Variants in LCT observed in about 807,000 individuals in gnomAD.
LCT encodes lactase/phlorizin hydrolase.
Under a neutral mutation model 173.0 loss-of-function variants are expected in LCT, and 90 were observed. That is an observed-to-expected ratio of 0.52 (90% CI 0.44 to 0.62). LCT has a LOEUF of 0.62. Ranked by LOEUF, LCT falls within the 20% of genes least tolerant of loss-of-function variation. The pLI is 0.00. For synonymous variants in LCT, 853 were observed against 957.6 expected, an observed-to-expected ratio of 0.89 and a Z score of 2.02; for missense variants, 1,864 against 2,431.4, an observed-to-expected ratio of 0.77 and a Z score of 4.91.
At chr2:135,824,631 T>G (rs1039441757) in intron 3 of LCT, among the ~76,000 whole-genome samples, 1 of 152,330 alleles carries the variant, frequency 6.6e-6, no homozygotes, top group South Asian at 2.1e-4. Context: ...CAATAATAGC[T>G]CTTGCAGCTG....
intron 7 of LCT, 178 bp from the exon 8 acceptor site, chr2:135,810,171 A>C (rs558707882): frequency 1.3e-5 from 8 of 603,968 alleles, no homozygotes; most frequent in Admixed American, 5.8e-5. Context: ...TTATCTTTTA[A>C]AGACTAGTCA....
chr2:135,822,680 AGC>A (rs1192240038), intron 4 of LCT: 9 of 159,598 alleles, frequency 5.6e-5, no homozygotes, highest in Admixed American at 1.8e-4. Context: ...GGCCCTGTGG[AGC>A]CAACCCATTG....
chr2:135,817,773 C>G lies in LCT; in HGVS notation c.1275G>C (p.Thr425=), dbSNP rs777422944. The G allele has an allele frequency of 1.2e-5, 20 of 1,613,846 alleles. No individual in the cohort carries two copies. The highest frequency in any genetic ancestry group is 8.0e-5 in the African/African-American group (6 of 74,930). ...GGTAACTGTCGCTGGCCACCTCCAG[C>G]GTCGCTTGGCCCTCAGTGGTGTTCA... ...RPLNTTEGQA[T]LEVASDSYHK... Residue 425 remains threonine (T), a synonymous_variant, in exon 6 of 17, where the codon ACG becomes ACC. Coordinates refer to ENST00000264162, the MANE Select transcript of LCT (RefSeq NM_002299.4).
chr2:135,808,869 T>C lies in LCT; in HGVS notation c.3478A>G (p.Arg1160Gly). The change falls in exon 8 of 17, where the codon AGA (arginine) becomes GGA (glycine). Residue 1160 changes from arginine (R) to glycine (G), a missense_variant. Physicochemically the swap from Arg to Gly is moderately radical, Grantham distance 125. Coordinates refer to ENST00000264162, the MANE Select transcript of LCT (RefSeq NM_002299.4). The part of the protein sequence containing the change: ...SLGWFAHPIF[R>G]NGDYPDTMKW... Reference sequence around the variant, plus strand: ...ATGGTGTCAGGATAGTCTCCGTTTCTAAAAATGGGGTGAGCAAACCAGCCC... The same window carrying C: ...ATGGTGTCAGGATAGTCTCCGTTTCCAAAAATGGGGTGAGCAAACCAGCCC... 6.2e-7 allele frequency: 1 copy of C among 1,614,194 alleles called. No individual in the cohort carries two copies. Among genetic ancestry groups the C allele is most frequent in the Non-Finnish European group, 8.5e-7 (1 of 1,180,026 alleles).
In LCT at chr2:135,817,821, G is replaced by A. The variant is rs2077793670; in HGVS notation, c.1227C>T (p.Ser409=). Residue 409 remains serine, a synonymous_variant, in exon 6 of 17, where the codon AGC becomes AGT. Transcript: ENST00000264162. The part of the protein sequence containing the change: ...GGWAEGGRGV[S]IWDPRRPLNT... The stretch of plus-strand genomic sequence containing the variant: ...TCAGGGGCCTGCGTGGATCCCAGAT[G>A]CTCACCCCTCTCCCACCCTCGGCCC... The A allele has an allele frequency of 1.2e-6, 2 of 1,614,016 alleles. No individual in the cohort carries two copies. Among genetic ancestry groups the A allele is most frequent in the Middle Eastern group, 1.7e-4 (1 of 6,060 alleles).
intron 1 of LCT, among the ~76,000 whole-genome samples, chr2:135,834,861 A>T (rs1250883424): frequency 6.6e-6 from 1 of 151,606 alleles, no homozygotes; most frequent in African/African-American, 2.4e-5. Flanking sequence ...ATGCAAATTA[A>T]CAAGACATGA....
At chr2:135,833,241 T>C (rs775579891) in intron 1 of LCT, 51 bp from the exon 2 acceptor site, 1 of 1,333,902 alleles carries the variant, frequency 7.5e-7, no homozygotes, top group Non-Finnish European at 1.1e-6. Flanking sequence ...CAGGAGGCTC[T>C]GACTGTGGAA....
chr2:135,815,776 T>G (rs539288324), intron 6 of LCT, among the ~76,000 whole-genome samples: 1 of 152,106 alleles, frequency 6.6e-6, no homozygotes, highest in Non-Finnish European at 1.5e-5. Context: ...CTCGGCTCAC[T>G]ACAACCTCCG....
At chr2:135,833,043 CTT>C (rs1334913528) in intron 2 of LCT, 66 bp downstream of exon 2, 8 of 1,227,508 alleles carry the variant, frequency 6.5e-6, no homozygotes, top group South Asian at 6.0e-5. Flanking sequence ...CAAAACTTCT[CTT>C]GTTTTTAAAA....
intron 3 of LCT, among the ~76,000 whole-genome samples, chr2:135,828,929 G>A (rs768498079): frequency 9.2e-5 from 14 of 152,138 alleles, no homozygotes; most frequent in Admixed American, 5.2e-4. Context: ...GGTGGCTCAC[G>A]CCTGTAATCC....
chr2:135,836,019 T>TATATAC lies in LCT; in HGVS notation c.640+510_640+511insGTATAT, dbSNP rs1444886921. On this transcript the variant is annotated intron_variant, in intron 1 of 16. Transcript: ENST00000264162. ...ATATATATATATATATATATATGTA[T>TATATAC]ACATATTTTTTTTTTTTGAGATTGT... 2.4e-4 allele frequency among the ~76,000 whole-genome samples: 26 copies of TATATAC among 110,458 alleles called. 1 individual carries two copies. Among genetic ancestry groups the TATATAC allele is most frequent in the African/African-American group, 8.0e-4 (25 of 31,116 alleles). The allele number at this position is 110,458 out of a possible 152,430, so 72.5% of individuals were successfully genotyped here. A position where few individuals can be genotyped will look rare whatever the true frequency, so the allele number is the denominator to read the frequency against.
At chr2:135,826,291 T>A (rs2077888033) in intron 3 of LCT, among the ~76,000 whole-genome samples, 1 of 151,748 alleles carries the variant, frequency 6.6e-6, no homozygotes, top group African/African-American at 2.4e-5. Flanking sequence ...CAGTGGCTCA[T>A]GCCTGTAATC....
chr2:135,791,015 G>T, intron 14 of LCT, 134 bp from the exon 15 acceptor site: 1 of 738,254 alleles, frequency 1.4e-6, no homozygotes, highest in African/African-American at 1.7e-5. Context: ...ACTAAACCCA[G>T]AAGAATCAAA....
intron 11 of LCT, among the ~76,000 whole-genome samples, chr2:135,803,655 C>G (rs2077645250): frequency 1.3e-5 from 2 of 152,248 alleles, no homozygotes; most frequent in Non-Finnish European, 2.9e-5. Flanking sequence ...TTCCCCACAT[C>G]AATTTGCCCA....
chr2:135,816,211 C>T (rs1190881450), intron 6 of LCT, among the ~76,000 whole-genome samples: 2 of 152,326 alleles, frequency 1.3e-5, no homozygotes, highest in East Asian at 1.9e-4. Context: ...CCCTGACTGG[C>T]GTCTGGAAAG....
rs1163096116 is a variant in LCT at position 135,790,044 on chromosome 2, G to A, written c.5336-246C>T. The stretch of plus-strand genomic sequence containing the variant: ...AAAGGCTCAGCCCTGAATGGGAGTC[G>A]GGAACATGGGTGGACTAATTTCCCT... On this transcript the variant is annotated intron_variant, in intron 15 of 16. Transcript: ENST00000264162. This position sits in a 1 kb window ranked among gnomAD's most constrained non-coding sequence, Gnocchi z 4.1. 6.6e-6 allele frequency among the ~76,000 whole-genome samples: 1 copy of A among 152,132 alleles called. No homozygotes were observed. Among genetic ancestry groups the A allele is most frequent in the Non-Finnish European group, 1.5e-5 (1 of 68,006 alleles).
At chr2:135,796,091 A>G (rs934732746) in intron 13 of LCT, among the ~76,000 whole-genome samples, 2 of 152,130 alleles carry the variant, frequency 1.3e-5, no homozygotes, top group African/African-American at 4.8e-5. Flanking sequence ...TTTTCCAGGC[A>G]CTCTGAGTGA....
rs1324820686 is a variant in LCT, at chr2:135,813,010, C to T, written c.1708-54G>A. 2.7e-6 allele frequency: 4 copies of T among 1,494,370 alleles called. No homozygotes were observed. In the African/African-American group the frequency reaches 5.5e-5, roughly 21 times the overall value. 92.6% of individuals were successfully genotyped at this position (1,494,370 alleles called of 1,614,324 possible). ...TGATTAGTAATAATAACAATGACAA[C>T]AACAGGACTAATGAACCAATAACAA... On this transcript the variant is annotated intron_variant, in intron 6 of 16. Coordinates refer to ENST00000264162, the MANE Select transcript of LCT (RefSeq NM_002299.4).
At chr2:135,802,203 C>T (rs1230943259) in intron 11 of LCT, among the ~76,000 whole-genome samples, 1 of 152,278 alleles carries the variant, frequency 6.6e-6, no homozygotes, top group East Asian at 1.9e-4. Flanking sequence ...CTCTTTCCAG[C>T]TGTTACACAG....
Sources: gnomAD v4.1 joint callset for allele counts (sites outside exome capture counted in the v4.1 genomes callset) on GRCh38, gnomAD v4.1.1 for gene constraint, Gnocchi (gnomAD v3.1) non-coding constraint, MANE v1.5 for transcripts, NCBI Gene and HGNC (gene_info 2026-07-23, HGNC 2026-07-21) for gene names.